EML6: variants seen among roughly 807,000 people sequenced by gnomAD.
EML6 encodes echinoderm microtubule-associated protein-like 6.
Under a neutral mutation model 240.1 loss-of-function variants are expected in EML6, and 154 were observed. The ratio of observed to expected loss-of-function variants is 0.64; its 90% CI spans 0.56 to 0.73. The LOEUF is 0.73. EML6 is among the 30% of genes least tolerant of loss of function. EML6 has a pLI of 0.00. For synonymous variants in EML6, 1,148 were observed against 899.0 expected (o/e 1.28, Z -4.95); for missense variants, 2,964 against 2,474.6 (o/e 1.20, Z -4.20).
At chr2:54,859,819 T>C (rs1573017062) in intron 12 of EML6, 118 bp downstream of exon 12, 1 of 777,426 alleles carries the variant, frequency 1.3e-6, no homozygotes, top group Non-Finnish European at 1.9e-6. Context: ...TTGATTCCTG[T>C]AATCTTAAAA....
chr2:54,834,245 C>T (rs933476234), intron 7 of EML6, among the ~76,000 whole-genome samples: 2 of 152,318 alleles, frequency 1.3e-5, no homozygotes, highest in African/African-American at 4.8e-5. Context: ...GTCACTCACT[C>T]ATACCTCACA....
chr2:54,941,674 G>A (rs532215504), intron 28 of EML6, among the ~76,000 whole-genome samples: 1 of 152,234 alleles, frequency 6.6e-6, no homozygotes, highest in Non-Finnish European at 1.5e-5. Flanking sequence ...TGAGCTTACA[G>A]AGCCTGAGAG....
At chr2:54,886,619 T>C (rs1270649931) in intron 17 of EML6, among the ~76,000 whole-genome samples, 3 of 152,198 alleles carry the variant, frequency 2.0e-5, no homozygotes, top group African/African-American at 7.2e-5. Context: ...CTTGTTATTG[T>C]CTGTCATTTT....
chr2:54,877,630 G>C (rs369058366), intron 16 of EML6, among the ~76,000 whole-genome samples: 7 of 152,218 alleles, frequency 4.6e-5, no homozygotes, highest in Admixed American at 3.9e-4. Flanking sequence ...AAATGCTAAA[G>C]AGGGACCTTG....
intron 15 of EML6, among the ~76,000 whole-genome samples, chr2:54,871,126 G>A (rs989229360): frequency 8.5e-5 from 13 of 152,172 alleles, no homozygotes; most frequent in African/African-American, 1.4e-4. Flanking sequence ...TCTGGATAGC[G>A]TCATGACAAT....
chr2:54,914,418 T>G (rs1673800492), intron 25 of EML6, among the ~76,000 whole-genome samples: 1 of 152,178 alleles, frequency 6.6e-6, no homozygotes, highest in Non-Finnish European at 1.5e-5. Flanking sequence ...ATAAGTATAC[T>G]AAAATGAAAT....
rs747105150 is a variant in EML6, at chr2:54,866,873, G to C, written c.2040G>C (p.Gln680His). The C allele has an allele frequency of 6.5e-7, 1 of 1,548,370 alleles. No individual in the cohort carries two copies. Among genetic ancestry groups the C allele is most frequent in the South Asian group, 1.2e-5 (1 of 84,012 alleles). ...EKAPEDSLKL[Q>H]FIHGYRGYDC... ...CTCCTGAGGACAGCTTGAAACTCCA[G>C]TTCATACACGGGTGGGTGGCCTGTC... Residue 680 changes from glutamine to histidine, a missense_variant, in exon 14 of 42, where the codon CAG becomes CAC. Gln to His is a conservative substitution (Grantham distance 24). Transcript: ENST00000356458.
At chr2:54,728,076 T>C (rs1054162660) in intron 2 of EML6, among the ~76,000 whole-genome samples, 4 of 152,258 alleles carry the variant, frequency 2.6e-5, no homozygotes, top group African/African-American at 9.6e-5. Flanking sequence ...TGAATATTAC[T>C]TTTTAATTCA....
At chr2:54,846,199 G>C (rs1315200950) in intron 8 of EML6, among the ~76,000 whole-genome samples, 3 of 152,124 alleles carry the variant, frequency 2.0e-5, no homozygotes, top group African/African-American at 7.2e-5. Context: ...GGCGCCCAGG[G>C]AAGCTTGTGA....
chr2:54,917,028 A>G, intron 26 of EML6, 93 bp downstream of exon 26: 1 of 939,104 alleles, frequency 1.1e-6, no homozygotes, highest in South Asian at 1.9e-5. Flanking sequence ...TTGAAGTCAT[A>G]AGCAATTCAC....
chr2:54,903,387 T>C lies in EML6; in HGVS notation c.3294T>C (p.Leu1098=). ...IKFSKDTGKY[L]AVASHDNFVD... Reference sequence around the variant, plus strand: ...TCTTAACAGATACGGGAAAATACCTTGCCGTGGCATCCCATGATAACTTTG... The same window carrying C: ...TCTTAACAGATACGGGAAAATACCTCGCCGTGGCATCCCATGATAACTTTG... The change falls in exon 24 of 42, where the codon CTT becomes CTC. Residue 1098 remains leucine (L), a synonymous_variant. Transcript: ENST00000356458. The C allele has an allele frequency of 6.4e-7, 1 of 1,551,680 alleles. No homozygotes were observed. The highest frequency in any genetic ancestry group is 2.4e-5 in the East Asian group (1 of 40,908).
intron 41 of EML6, among the ~76,000 whole-genome samples, chr2:54,969,026 A>T (rs559393608): frequency 6.6e-6 from 1 of 152,254 alleles, no homozygotes; most frequent in African/African-American, 2.4e-5. Context: ...TACTCTGGGC[A>T]CTGCTGGGGG....
chr2:54,850,788 C>A (rs935294347), intron 10 of EML6, among the ~76,000 whole-genome samples: 6 of 152,180 alleles, frequency 3.9e-5, no homozygotes, highest in Non-Finnish European at 8.8e-5. Context: ...GTTTGTGACA[C>A]AATGCCTAAA....
intron 16 of EML6, among the ~76,000 whole-genome samples, chr2:54,874,523 G>T (rs1013154590): frequency 2.0e-5 from 3 of 152,122 alleles, no homozygotes; most frequent in African/African-American, 7.2e-5. Context: ...CAAATGTGTT[G>T]TTTTTGCTTA....
At chr2:54,729,926 G>C (rs1421018300) in intron 2 of EML6, among the ~76,000 whole-genome samples, 3 of 152,156 alleles carry the variant, frequency 2.0e-5, no homozygotes, top group Admixed American at 2.0e-4. Context: ...ACTTGAGCTT[G>C]GGGGTTCAGG....
chr2:54,876,034 T>C (rs1671490377), intron 16 of EML6, among the ~76,000 whole-genome samples: 1 of 152,192 alleles, frequency 6.6e-6, no homozygotes, highest in African/African-American at 2.4e-5. Context: ...CTTTGTCTAA[T>C]TCACCCTTTA....
intron 41 of EML6, among the ~76,000 whole-genome samples, chr2:54,969,642 T>C (rs1000916890): frequency 6.6e-6 from 1 of 152,164 alleles, no homozygotes; most frequent in Non-Finnish European, 1.5e-5. Context: ...TGTTTTAATA[T>C]AAAAAAGAAG....
chr2:54,968,609 C>A, intron 40 of EML6, 59 bp from the exon 41 acceptor site: 1 of 965,852 alleles, frequency 1.0e-6, no homozygotes, highest in Non-Finnish European at 1.6e-6. Context: ...TGGAAGTAGT[C>A]TGTGGTTGCT....
intron 24 of EML6, among the ~76,000 whole-genome samples, chr2:54,905,034 G>C (rs1190155820): frequency 6.6e-6 from 1 of 152,118 alleles, no homozygotes; most frequent in Admixed American, 6.6e-5. Context: ...ATTTATAAAA[G>C]GTACAAGTCC....
Sources: gnomAD v4.1 joint callset for allele counts (sites outside exome capture counted in the v4.1 genomes callset) on GRCh38, gnomAD v4.1.1 for gene constraint, MANE v1.5 for transcripts, NCBI Gene and HGNC (gene_info 2026-07-23, HGNC 2026-07-21) for gene names.